TANC1: variants seen among roughly 807,000 people sequenced by gnomAD.
The protein encoded by TANC1 is protein TANC1.
TANC1 carries 77 observed loss-of-function variants against 149.7 expected under a neutral mutation model. The ratio of observed to expected loss-of-function variants is 0.51; its 90% CI spans 0.43 to 0.62. The LOEUF (loss-of-function observed/expected upper bound fraction) is 0.62. Among genes scored for constraint, TANC1 ranks in the 20% least tolerant of loss-of-function variants. TANC1 has a pLI of 0.00. For synonymous variants in TANC1, 854 were observed against 925.0 expected, an observed-to-expected ratio of 0.92 and a Z score of 1.39; for missense variants, 1,985 against 2,321.8, an observed-to-expected ratio of 0.85 and a Z score of 2.98.
chr2:159,231,191 C>A lies in TANC1; in HGVS notation c.*179C>A, dbSNP rs536491634. The stretch of plus-strand genomic sequence containing the variant: ...AACTTCTTTAATAGCTAGAAATCAC[C>A]ATAAATAAGAATGCTAAACAGAATT... On this transcript the variant is annotated 3_prime_UTR_variant, in exon 27 of 27. Coordinates refer to ENST00000263635, the MANE Select transcript of TANC1 (RefSeq NM_033394.3). 3.8e-5 allele frequency: 21 copies of A among 552,940 alleles called. No individual in the cohort carries two copies. In the East Asian group the frequency reaches 6.2e-4, roughly 16 times the overall value. 34.3% of individuals were successfully genotyped at this position (552,940 alleles called of 1,614,324 possible).
At chr2:159,066,254 T>A (rs1371602444) in intron 3 of TANC1, among the ~76,000 whole-genome samples, 2 of 151,868 alleles carry the variant, frequency 1.3e-5, no homozygotes, top group Non-Finnish European at 2.9e-5. Context: ...TACAAAAAAA[T>A]TTTAAAAAAT....
rs1357210022 is a variant in TANC1 at position 159,172,285 on chromosome 2, G to A, written c.1503+13G>A. On this transcript the variant is annotated intron_variant, in intron 11 of 26. Transcript: ENST00000263635. ...TCTTGCTTCTAAGGTAATCTTTCTT[G>A]TTTTATTGGAGCCTTCCACATAGAG... 6 of 1,612,376 alleles carry A rather than the reference G, an allele frequency of 3.7e-6. No individual in the cohort carries two copies. The highest frequency in any genetic ancestry group is 2.2e-5 in the East Asian group (1 of 44,882).
At chr2:159,023,973 A>G (rs1559143049) in intron 2 of TANC1, among the ~76,000 whole-genome samples, 1 of 152,086 alleles carries the variant, frequency 6.6e-6, no homozygotes, top group South Asian at 2.1e-4. Flanking sequence ...ATCTCAAAAA[A>G]AAAAAAAAAA....
intron 4 of TANC1, among the ~76,000 whole-genome samples, chr2:159,099,333 C>T (rs887368956): frequency 6.6e-6 from 1 of 152,034 alleles, no homozygotes; most frequent in Non-Finnish European, 1.5e-5. Context: ...ATCTCTTTGT[C>T]ACATTTCTTC....
chr2:159,000,075 A>T, intron 1 of TANC1, among the ~76,000 whole-genome samples: 1 of 152,062 alleles, frequency 6.6e-6, no homozygotes. Context: ...GCCCAGCAGG[A>T]GGTGATTCTT....
intron 19 of TANC1, among the ~76,000 whole-genome samples, chr2:159,214,293 C>T (rs374095949): frequency 3.9e-5 from 6 of 152,312 alleles, no homozygotes; most frequent in Admixed American, 1.3e-4. Context: ...TGGTCAGGCT[C>T]AACTCTTTAG....
chr2:159,215,792 A>G (rs994929597), intron 19 of TANC1, among the ~76,000 whole-genome samples: 2 of 152,194 alleles, frequency 1.3e-5, no homozygotes, highest in East Asian at 1.9e-4. Context: ...GTTTCTTTCA[A>G]TCCTTGTTAA....
At chr2:159,158,142 G>A (rs946588713) in intron 7 of TANC1, among the ~76,000 whole-genome samples, 4 of 152,264 alleles carry the variant, frequency 2.6e-5, no homozygotes, top group African/African-American at 9.6e-5. Context: ...GATCGCTTGA[G>A]CCCATTAGTT....
intron 5 of TANC1, among the ~76,000 whole-genome samples, chr2:159,139,731 C>T (rs1276231074): frequency 2.1e-5 from 3 of 142,366 alleles, no homozygotes; most frequent in African/African-American, 7.3e-5. Flanking sequence ...TCATGTCAGT[C>T]AGTGACGAAA....
intron 19 of TANC1, among the ~76,000 whole-genome samples, chr2:159,214,750 T>A (rs887962282): frequency 3.9e-5 from 6 of 152,192 alleles, no homozygotes; most frequent in African/African-American, 1.4e-4. Flanking sequence ...GGGAATCAGC[T>A]CCTGACTTGT....
chr2:159,107,736 C>T (rs767893135), intron 4 of TANC1, among the ~76,000 whole-genome samples: 3 of 152,296 alleles, frequency 2.0e-5, no homozygotes, highest in African/African-American at 4.8e-5. Context: ...AGGAGTTGAC[C>T]GTGGGTATGG....
intron 2 of TANC1, among the ~76,000 whole-genome samples, chr2:159,059,947 G>GTTT: frequency 9.7e-6 from 1 of 102,916 alleles, no homozygotes; most frequent in East Asian, 2.6e-4. Flanking sequence ...TGTTGTTGTT[G>GTTT]TTTTTTTTTT....
intron 3 of TANC1, among the ~76,000 whole-genome samples, chr2:159,086,391 C>G (rs576872596): frequency 6.6e-6 from 1 of 152,064 alleles, no homozygotes; most frequent in East Asian, 1.9e-4. Context: ...TGAGAACAAT[C>G]AATAGGAAAG....
At chr2:158,992,895 G>A (rs1392677348) in intron 1 of TANC1, among the ~76,000 whole-genome samples, 1 of 151,992 alleles carries the variant, frequency 6.6e-6, no homozygotes, top group Non-Finnish European at 1.5e-5. Flanking sequence ...CTGCTGTTTT[G>A]TGGAACATTG....
At position 159,176,311 on chromosome 2, in the gene TANC1, T is replaced by C. The variant is rs370435129; in HGVS notation, c.1736-41T>C. The C allele has an allele frequency of 1.8e-5, 22 of 1,219,842 alleles. No homozygotes were observed. The African/African-American group carries it at 3.3e-4, about 18-fold the overall frequency. 75.6% of individuals were successfully genotyped at this position (1,219,842 alleles called of 1,614,324 possible). A position where few individuals can be genotyped will look rare whatever the true frequency, so the allele number is the denominator to read the frequency against. ...ACTGGGTGTTGCTGTCTTAGAGAAA[T>C]GTATAATTTCTTAATTTGAAAAAAT... On this transcript the variant is annotated intron_variant, in intron 12 of 26. Coordinates refer to ENST00000263635, the MANE Select transcript of TANC1 (RefSeq NM_033394.3).
rs1450828516 is a variant in TANC1, at chr2:159,136,051, C to CGTGCGT, written c.260-142_260-141insTGCGTG. ...GTGTGTGTGTGTGTGTGTGTGTGTG[C>CGTGCGT]GCGCGCGCGCGTTTAAGGGAGGGGA... is the stretch of plus-strand genomic sequence containing the variant. On this transcript the variant is annotated intron_variant, in intron 4 of 26. Transcript: ENST00000263635. 18 of 127,316 alleles carry CGTGCGT rather than the reference C, an allele frequency of 1.4e-4. 3 individuals are homozygous for CGTGCGT. The highest frequency in any genetic ancestry group is 3.3e-4 in the South Asian group (7 of 20,968). The allele number at this position is 127,316 out of a possible 1,614,324, so 7.9% of individuals were successfully genotyped here.
intron 2 of TANC1, among the ~76,000 whole-genome samples, chr2:159,062,991 A>AAAAAAAAAAAAAAG (rs1553534848): frequency 4.1e-5 from 6 of 147,086 alleles, no homozygotes; most frequent in Non-Finnish European, 7.6e-5. Context: ...AAAAAAAAAA[A>AAAAAAAAAAAAAAG]AAAAGAAAGC....
At chr2:159,064,024 C>T (rs2042463459) in intron 2 of TANC1, among the ~76,000 whole-genome samples, 1 of 152,166 alleles carries the variant, frequency 6.6e-6, no homozygotes, top group Non-Finnish European at 1.5e-5. Context: ...GCTTCGGTGG[C>T]ATGGCTCTGT....
At chr2:159,105,899 A>G (rs10929932) in intron 4 of TANC1, among the ~76,000 whole-genome samples, 58,446 of 151,568 alleles carry the variant, frequency 0.39, 11,717 homozygotes, top group East Asian at 0.6. Flanking sequence ...CCTTTATTCT[A>G]CTAGGACAAT....
Sources: allele counts gnomAD v4.1 joint callset (sites outside exome capture counted in the v4.1 genomes callset), GRCh38; gene constraint gnomAD v4.1.1; transcripts MANE v1.5; gene names NCBI Gene and HGNC (gene_info 2026-07-23, HGNC 2026-07-21).